The following RAPGEF1 variants were observed in gnomAD, a reference collection of about 807,000 sequenced individuals.
The protein encoded by RAPGEF1 is CRK SH3-binding GNRP.
In RAPGEF1, 33 loss-of-function variants were observed where a neutral mutation model predicts 143.3. The observed-to-expected ratio is 0.23, with a 90% CI of 0.17 to 0.31. The LOEUF (loss-of-function observed/expected upper bound fraction) is 0.31. Among genes scored for constraint, RAPGEF1 ranks in the 10% least tolerant of loss-of-function variants. The pLI, the probability that RAPGEF1 is intolerant of heterozygous loss-of-function variation, is 1.00. For missense variants in RAPGEF1, 1,199 were observed against 1,645.4 expected (o/e 0.73, Z 4.69); for synonymous variants, 629 against 676.5 (o/e 0.93, Z 1.09).
At chr9:131,644,681 T>C (rs182208779) in intron 3 of RAPGEF1, among the ~76,000 whole-genome samples, 129 of 152,250 alleles carry the variant, frequency 8.5e-4, no homozygotes, top group African/African-American at 2.9e-3. Flanking sequence ...ATAGTGCCGA[T>C]TGGCCAGGTG....
chr9:131,710,157 T>C (rs1193851956), intron 1 of RAPGEF1, among the ~76,000 whole-genome samples: 2 of 152,194 alleles, frequency 1.3e-5, no homozygotes, highest in Non-Finnish European at 2.9e-5. Context: ...CAGACCCTTA[T>C]GCCACGCCTT....
intron 12 of RAPGEF1, among the ~76,000 whole-genome samples, chr9:131,606,411 G>C (rs535929776): frequency 6.6e-6 from 1 of 152,180 alleles, no homozygotes; most frequent in African/African-American, 2.4e-5. Flanking sequence ...GCAGATATGG[G>C]TGAATGAATG....
intron 1 of RAPGEF1, 87 bp downstream of exon 1, chr9:131,739,683 C>G: frequency 1.0e-6 from 1 of 970,536 alleles, no homozygotes; most frequent in Non-Finnish European, 1.2e-6. Flanking sequence ...GGCCGCACAT[C>G]CCGGGCGACC....
At chr9:131,594,065 C>T (rs929106867) in intron 17 of RAPGEF1, among the ~76,000 whole-genome samples, 7 of 152,294 alleles carry the variant, frequency 4.6e-5, no homozygotes, top group Middle Eastern at 6.8e-3. Context: ...AGGCACGAGG[C>T]CACACCACCC....
At chr9:131,601,931 G>A (rs953263134) in intron 15 of RAPGEF1, 130 bp downstream of exon 15, 5 of 661,490 alleles carry the variant, frequency 7.6e-6, no homozygotes, top group African/African-American at 3.6e-5. Context: ...AGGAAATAAG[G>A]AAAGAAGGAA....
chr9:131,620,361 C>A (rs1195843122), intron 11 of RAPGEF1, among the ~76,000 whole-genome samples: 1 of 152,028 alleles, frequency 6.6e-6, no homozygotes, highest in Non-Finnish European at 1.5e-5. Context: ...CCTCAGCCTC[C>A]CAAGTAGCTG....
intron 1 of RAPGEF1, among the ~76,000 whole-genome samples, chr9:131,663,033 G>A (rs1025582174): frequency 2.6e-5 from 4 of 151,844 alleles, no homozygotes; most frequent in Non-Finnish European, 4.4e-5. Context: ...ATTATGAAGC[G>A]AACGTCCACA....
intron 1 of RAPGEF1, among the ~76,000 whole-genome samples, chr9:131,731,467 G>T (rs1837068657): frequency 1.3e-5 from 2 of 152,166 alleles, no homozygotes; most frequent in African/African-American, 4.8e-5. Context: ...GCTCGTTTGG[G>T]GTCAGCTAAG....
chr9:131,643,305 C>T lies in RAPGEF1; in HGVS notation c.428G>A (p.Gly143Glu). The change falls in exon 4 of 27, where the codon GGG becomes GAG. Residue 143 changes from glycine to glutamate, a missense_variant. Gly to Glu is a moderately conservative substitution (Grantham distance 98, BLOSUM62 -2). Coordinates refer to ENST00000683357, the MANE Select transcript of RAPGEF1 (RefSeq NM_001377935.1). ...GGCCTCCAGCACCTTGCTGGCTGAC[C>T]CTGGAAGCATCTCCAGTACCTTCTT... ...IDKKVLEMLP[G>E]SASKVLEAIL... is the part of the protein sequence containing the mutation. The T allele has an allele frequency of 6.2e-7, 1 of 1,613,510 alleles. No homozygotes were observed.
chr9:131,736,374 C>T (rs1367740789), intron 1 of RAPGEF1, among the ~76,000 whole-genome samples: 1 of 152,206 alleles, frequency 6.6e-6, no homozygotes, highest in Non-Finnish European at 1.5e-5. Flanking sequence ...GACAGGCCCC[C>T]ACCAGCCCAG....
chr9:131,585,522 T>C (rs185638723), intron 22 of RAPGEF1, among the ~76,000 whole-genome samples: 100 of 152,356 alleles, frequency 6.6e-4, no homozygotes, highest in Non-Finnish European at 1.2e-3. Flanking sequence ...CCTGAGCTTC[T>C]TGCACCCAGC....
At chr9:131,730,902 G>T (rs1329531566) in intron 1 of RAPGEF1, among the ~76,000 whole-genome samples, 1 of 152,016 alleles carries the variant, frequency 6.6e-6, no homozygotes, top group African/African-American at 2.4e-5. Flanking sequence ...TCTTCTGAAG[G>T]AATCCTCAGG....
chr9:131,699,745 T>C (rs904374467), intron 1 of RAPGEF1, among the ~76,000 whole-genome samples: 1 of 152,184 alleles, frequency 6.6e-6, no homozygotes, highest in African/African-American at 2.4e-5. Flanking sequence ...GGAAGGTCTT[T>C]CGAGGTTTCT....
intron 1 of RAPGEF1, among the ~76,000 whole-genome samples, chr9:131,681,583 T>C (rs1269185498): frequency 6.6e-6 from 1 of 152,212 alleles, no homozygotes; most frequent in African/African-American, 2.4e-5. Flanking sequence ...CTCGAGCTTG[T>C]CTAACTCCTG....
chr9:131,642,804 A>T lies in RAPGEF1; in HGVS notation c.494+435T>A, dbSNP rs562715239. On this transcript the variant is annotated intron_variant, in intron 4 of 26. Coordinates refer to ENST00000683357, the MANE Select transcript of RAPGEF1 (RefSeq NM_001377935.1). ...GAAGTCTGTGAAGAGACTCATGCAG[A>T]TGGAGGCCCTGCTGGTGCTCTTCAG... 5.3e-5 allele frequency among the ~76,000 whole-genome samples: 8 copies of T among 152,344 alleles called. 1 individual carries two copies. In the South Asian group the frequency reaches 1.7e-3, roughly 32 times the overall value.
At chr9:131,680,895 A>T (rs1428734876) in intron 1 of RAPGEF1, among the ~76,000 whole-genome samples, 1 of 152,098 alleles carries the variant, frequency 6.6e-6, no homozygotes, top group Non-Finnish European at 1.5e-5. Context: ...AGTAGCGTCC[A>T]TCGTGGGGGC....
At chr9:131,705,371 A>C (rs1834973274) in intron 1 of RAPGEF1, among the ~76,000 whole-genome samples, 1 of 152,230 alleles carries the variant, frequency 6.6e-6, no homozygotes, top group South Asian at 2.1e-4. Flanking sequence ...TCAATTAAAA[A>C]AAAAAAACCA....
rs971881765 is a variant in RAPGEF1, at chr9:131,643,489, A to C, written c.316-72T>G. 5 of 1,405,444 alleles carry C rather than the reference A, an allele frequency of 3.6e-6. No homozygotes were observed. The African/African-American group carries it at 7.2e-5, about 20-fold the overall frequency. The allele number at this position is 1,405,444 out of a possible 1,614,324, so 87.1% of individuals were successfully genotyped here. On this transcript the variant is annotated intron_variant, in intron 3 of 26. Transcript: ENST00000683357. ...AGCTATTTTGAAAAAATAAAGGAAC[A>C]TTTTCTTTAAACCAGCTTGAGATCG... is the stretch of plus-strand genomic sequence containing the variant.
chr9:131,623,714 A>G (rs1962004580), intron 10 of RAPGEF1, among the ~76,000 whole-genome samples: 1 of 152,132 alleles, frequency 6.6e-6, no homozygotes. Flanking sequence ...GGTGCCGGAC[A>G]GTGATCACAA....
Sources: gnomAD v4.1 joint callset for allele counts (sites outside exome capture counted in the v4.1 genomes callset) on GRCh38, gnomAD v4.1.1 for gene constraint, MANE v1.5 for transcripts, NCBI Gene and HGNC (gene_info 2026-07-23, HGNC 2026-07-21) for gene names.